The following CAMTA1 variants were observed in gnomAD, a reference collection of about 807,000 sequenced individuals.
The protein encoded by CAMTA1 is calmodulin binding transcription activator 1.
A neutral mutation model predicts 170.9 loss-of-function variants in CAMTA1; 27 were observed. The observed-to-expected ratio is 0.16, with a 90% CI of 0.12 to 0.22. CAMTA1 has a LOEUF of 0.22. CAMTA1 is among the 10% of genes least tolerant of loss of function. CAMTA1 has a pLI of 1.00. For missense variants in CAMTA1, 1,619 were observed against 2,217.2 expected, an observed-to-expected ratio of 0.73 and a Z score of 5.42; for synonymous variants, 833 against 891.5, an observed-to-expected ratio of 0.93 and a Z score of 1.17.
rs188739003 is a variant in CAMTA1, at chr1:7,151,366, G to A, written c.302+59995G>A. ...GGCCCCCAGTTCCCTTTCCTTCCTCGGCCCCTCTTTGCAGCGGGCAACCCT... is the reference window on the plus strand; with the variant it reads ...GGCCCCCAGTTCCCTTTCCTTCCTCAGCCCCTCTTTGCAGCGGGCAACCCT... On this transcript the variant is annotated intron_variant, in intron 4 of 22. Transcript: ENST00000303635. 9.9e-5 allele frequency among the ~76,000 whole-genome samples: 15 copies of A among 152,076 alleles called. No individual in the cohort carries two copies. In the East Asian group the frequency reaches 1.2e-3, roughly 12 times the overall value.
At chr1:6,826,077 T>G (rs902886984) in intron 3 of CAMTA1, among the ~76,000 whole-genome samples, 1 of 152,220 alleles carries the variant, frequency 6.6e-6, no homozygotes, top group African/African-American at 2.4e-5. Flanking sequence ...GACACTCAGT[T>G]CTGTTAAAAG....
intron 3 of CAMTA1, among the ~76,000 whole-genome samples, chr1:7,025,231 C>T (rs534388674): frequency 9.6e-4 from 146 of 152,328 alleles, no homozygotes; most frequent in African/African-American, 2.8e-3. Flanking sequence ...CCTATTGCCG[C>T]GGTAGCTGAT....
rs192955845 is a variant in CAMTA1, at chr1:7,248,718, G to A, written c.303-773G>A. 4.6e-5 allele frequency among the ~76,000 whole-genome samples: 7 copies of A among 152,186 alleles called. No homozygotes were observed. The highest frequency in any genetic ancestry group is 2.6e-4 in the Admixed American group (4 of 15,296). ...AGCCTCTCCTCTCTGTGGTGGACGC[G>A]TGTTTTCTTTTTGGCAAATTCAAGG... On this transcript the variant is annotated intron_variant, in intron 4 of 22. Coordinates refer to ENST00000303635, the MANE Select transcript of CAMTA1 (RefSeq NM_015215.4). The surrounding 1 kb of genome is among the most constrained non-coding windows in gnomAD (Gnocchi z 4.0).
intron 5 of CAMTA1, among the ~76,000 whole-genome samples, chr1:7,283,245 C>T (rs1251014430): frequency 1.3e-5 from 2 of 152,138 alleles, no homozygotes; most frequent in Non-Finnish European, 2.9e-5. Context: ...CCCACCTGTG[C>T]TTTTCCACAT....
At chr1:6,794,907 G>GT (rs1271443379) in intron 1 of CAMTA1, among the ~76,000 whole-genome samples, 2 of 135,392 alleles carry the variant, frequency 1.5e-5, no homozygotes, top group Non-Finnish European at 1.6e-5. Context: ...TTGTTTTTTT[G>GT]TTTTTTTGTT....
intron 6 of CAMTA1, among the ~76,000 whole-genome samples, chr1:7,524,427 C>T (rs1480173376): frequency 6.6e-6 from 1 of 152,108 alleles, no homozygotes; most frequent in African/African-American, 2.4e-5. Flanking sequence ...GTCATCTGTA[C>T]AGACAGTTGT....
rs1323184016 is a variant in CAMTA1 at position 7,299,515 on chromosome 1, C to T, written c.438+49889C>T. On this transcript the variant is annotated intron_variant, in intron 5 of 22. Coordinates refer to ENST00000303635, the MANE Select transcript of CAMTA1 (RefSeq NM_015215.4). The surrounding 1 kb of genome is among the most constrained non-coding windows in gnomAD (Gnocchi z 4.7). ...CAATTTGCCTCCTGCTGCTGCATGACTCAGACTCGGAGAGCTTCCAACCTC... is the reference window on the plus strand; with the variant it reads ...CAATTTGCCTCCTGCTGCTGCATGATTCAGACTCGGAGAGCTTCCAACCTC... Among the ~76,000 whole-genome samples, 2 of 152,218 alleles carry T rather than the reference C, an allele frequency of 1.3e-5. No individual in the cohort carries two copies. Among genetic ancestry groups the T allele is most frequent in the Non-Finnish European group, 2.9e-5 (2 of 68,036 alleles).
In CAMTA1 at chr1:7,384,501, T is replaced by C. The variant is rs546548026; in HGVS notation, c.439-83329T>C. Among the ~76,000 whole-genome samples the C allele has an allele frequency of 7.2e-5, 11 of 152,348 alleles. 2 individuals carry two copies. The South Asian group carries it at 2.1e-3, about 29-fold the overall frequency. Reference sequence around the variant, plus strand: ...TGGGCCTTGGAGGGCCTTTTGTGAATCCGTGGCTAATTTTTTGGCGAACAA... The same window carrying C: ...TGGGCCTTGGAGGGCCTTTTGTGAACCCGTGGCTAATTTTTTGGCGAACAA... On this transcript the variant is annotated intron_variant, in intron 5 of 22. Transcript: ENST00000303635.
At chr1:6,802,046 C>T (rs939129240) in intron 1 of CAMTA1, among the ~76,000 whole-genome samples, 8 of 152,184 alleles carry the variant, frequency 5.3e-5, no homozygotes, top group African/African-American at 1.9e-4. Context: ...TTGCAAGTCC[C>T]ATGAGCCACA....
chr1:7,239,264 C>T (rs1357176488), intron 4 of CAMTA1, among the ~76,000 whole-genome samples: 1 of 152,192 alleles, frequency 6.6e-6, no homozygotes, highest in African/African-American at 2.4e-5. Flanking sequence ...TTCTAAATCT[C>T]ATTACATACC....
intron 5 of CAMTA1, among the ~76,000 whole-genome samples, chr1:7,340,743 T>C (rs953452900): frequency 6.6e-6 from 1 of 151,632 alleles, no homozygotes; most frequent in Non-Finnish European, 1.5e-5. Context: ...CATCCATCCA[T>C]CCATCCATCC....
rs192049737 is a variant in CAMTA1, at chr1:7,534,886, A to G, written c.510+66985A>G. ...AGTGGGTTTGCCTTTTGCCTGGTAC[A>G]GATGACTCTGTCTCGATTTTGAAAA... On this transcript the variant is annotated intron_variant, in intron 6 of 22. Coordinates refer to ENST00000303635, the MANE Select transcript of CAMTA1 (RefSeq NM_015215.4). This position sits in a 1 kb window ranked among gnomAD's most constrained non-coding sequence, Gnocchi z 5.6. Among the ~76,000 whole-genome samples, 385 of 152,190 alleles carry G rather than the reference A, an allele frequency of 2.5e-3. 1 individual carries two copies. Among genetic ancestry groups the G allele is most frequent in the African/African-American group, 8.0e-3 (334 of 41,534 alleles).
chr1:7,238,266 G>C (rs1311959119), intron 4 of CAMTA1, among the ~76,000 whole-genome samples: 2 of 151,954 alleles, frequency 1.3e-5, no homozygotes, highest in Non-Finnish European at 2.9e-5. Flanking sequence ...TGGCAACAGG[G>C]ATGAGACTCG....
intron 3 of CAMTA1, among the ~76,000 whole-genome samples, chr1:6,914,466 C>T (rs188249135): frequency 2.8e-4 from 42 of 152,344 alleles, no homozygotes; most frequent in African/African-American, 7.7e-4. Context: ...CTATATAAGG[C>T]TTTCAAATAA....
intron 3 of CAMTA1, among the ~76,000 whole-genome samples, chr1:7,003,102 G>A (rs948924270): frequency 1.7e-4 from 26 of 152,228 alleles, no homozygotes; most frequent in African/African-American, 4.8e-4. Context: ...TTAGCTGCAT[G>A]CCTGGCCTGT....
At chr1:7,298,451 T>C (rs979658207) in intron 5 of CAMTA1, among the ~76,000 whole-genome samples, 1 of 152,122 alleles carries the variant, frequency 6.6e-6, no homozygotes, top group Non-Finnish European at 1.5e-5. Flanking sequence ...CCATGAGCCA[T>C]GAATAGAAAC....
At chr1:7,496,267 G>T (rs910318485) in intron 6 of CAMTA1, among the ~76,000 whole-genome samples, 3 of 152,360 alleles carry the variant, frequency 2.0e-5, no homozygotes, top group African/African-American at 2.4e-5. Context: ...GTGTGTGGCT[G>T]TTGTGGGCTC....
chr1:6,953,761 C>CTT (rs543939742), intron 3 of CAMTA1, among the ~76,000 whole-genome samples: 64 of 146,160 alleles, frequency 4.4e-4, no homozygotes, highest in African/African-American at 1.6e-3. Context: ...CAATTTTTTT[C>CTT]TTTTTTTTTT....
chr1:7,026,774 G>A (rs1702081262), intron 3 of CAMTA1, among the ~76,000 whole-genome samples: 1 of 151,684 alleles, frequency 6.6e-6, no homozygotes, highest in East Asian at 1.9e-4. Context: ...GGGACTACAA[G>A]CACGTGCCAC....
Sources: gnomAD v4.1 joint callset for allele counts (sites outside exome capture counted in the v4.1 genomes callset) on GRCh38, gnomAD v4.1.1 for gene constraint, Gnocchi (gnomAD v3.1) non-coding constraint, MANE v1.5 for transcripts, NCBI Gene and HGNC (gene_info 2026-07-23, HGNC 2026-07-21) for gene names.